Variants in UBE2H observed in about 807,000 individuals in gnomAD.
The protein encoded by UBE2H is ubiquitin-conjugating enzyme E2 H.
A neutral mutation model predicts 29.0 loss-of-function variants in UBE2H; 3 were observed. The ratio of observed to expected loss-of-function variants is 0.10; its 90% CI spans 0.05 to 0.27. The LOEUF is 0.27. UBE2H is among the 10% of genes least tolerant of loss of function. The pLI is 1.00. For synonymous variants in UBE2H, 69 were observed against 82.9 expected, an observed-to-expected ratio of 0.83 and a Z score of 0.91; for missense variants, 68 against 228.2, an observed-to-expected ratio of 0.30 and a Z score of 4.52.
At chr7:129,842,010 A>G (rs2116273554) in intron 5 of UBE2H, among the ~76,000 whole-genome samples, 1 of 152,382 alleles carries the variant, frequency 6.6e-6, no homozygotes, top group East Asian at 1.9e-4. Context: ...GAGAAAGGCC[A>G]TAAAATGGTA....
chr7:129,934,463 C>T (rs1007797453), intron 1 of UBE2H, among the ~76,000 whole-genome samples: 28 of 151,284 alleles, frequency 1.9e-4, no homozygotes, highest in African/African-American at 6.5e-4. Context: ...TATGGTGAAA[C>T]CCTGTCTCTA....
chr7:129,876,010 C>G (rs139404157), intron 3 of UBE2H, among the ~76,000 whole-genome samples: 103 of 152,274 alleles, frequency 6.8e-4, no homozygotes, highest in African/African-American at 2.3e-3. Context: ...GTCTTCCTTA[C>G]GCTCTCTCTT....
intron 1 of UBE2H, among the ~76,000 whole-genome samples, chr7:129,886,066 ATTAC>A (rs1299523089): frequency 1.3e-5 from 2 of 152,202 alleles, no homozygotes; most frequent in African/African-American, 4.8e-5. Flanking sequence ...AAGATTCCTC[ATTAC>A]TTTCTCTGTT....
chr7:129,861,274 C>T (rs1805796472), intron 3 of UBE2H, among the ~76,000 whole-genome samples: 1 of 151,176 alleles, frequency 6.6e-6, no homozygotes, highest in African/African-American at 2.4e-5. Context: ...TAAAAAGGGA[C>T]AATGTGCTTC....
intron 1 of UBE2H, among the ~76,000 whole-genome samples, chr7:129,942,212 CAAAAAAAAAAAAA>C (rs966117564): frequency 1.4e-4 from 5 of 36,750 alleles, no homozygotes; most frequent in Admixed American, 2.9e-4. Context: ...GACTCGGTCT[CAAAAAAAAAAAAA>C]AAAAAAAAAA....
At chr7:129,884,522 G>A (rs1335097011) in intron 1 of UBE2H, among the ~76,000 whole-genome samples, 1 of 151,584 alleles carries the variant, frequency 6.6e-6, no homozygotes, top group Admixed American at 6.6e-5. Context: ...ATGTTTCCTG[G>A]AATATTTGAA....
intron 3 of UBE2H, among the ~76,000 whole-genome samples, chr7:129,871,539 A>AC (rs940932585): frequency 1.8e-4 from 27 of 152,044 alleles, no homozygotes; most frequent in African/African-American, 5.8e-4. Flanking sequence ...ACATGGTGAA[A>AC]CCCCATCTCT....
chr7:129,926,895 C>T (rs902650920), intron 1 of UBE2H, among the ~76,000 whole-genome samples: 2 of 152,184 alleles, frequency 1.3e-5, no homozygotes, highest in African/African-American at 4.8e-5. Flanking sequence ...CTAGTACATA[C>T]TAGTACATAT....
Position 129,927,466 on chromosome 7 carries a change from G to A in UBE2H, c.53+25037C>T, listed in dbSNP as rs367891941. On this transcript the variant is annotated intron_variant, in intron 1 of 6. Coordinates refer to ENST00000355621, the MANE Select transcript of UBE2H (RefSeq NM_003344.4). ...TGAGGCAGAGAATTGCTTGAACCCT[G>A]GAGGCAGAGGTTGCAGTGAGCCGAG... Among the ~76,000 whole-genome samples, 8 of 152,286 alleles carry A rather than the reference G, an allele frequency of 5.3e-5. No homozygotes were observed. In the East Asian group the frequency reaches 7.7e-4, roughly 15 times the overall value.
intron 3 of UBE2H, 148 bp from the exon 4 acceptor site, chr7:129,859,089 A>C: frequency 1.6e-6 from 1 of 635,000 alleles, no homozygotes; most frequent in Non-Finnish European, 2.7e-6. Flanking sequence ...ACTGATAAAC[A>C]TTATATTCTC....
intron 1 of UBE2H, among the ~76,000 whole-genome samples, chr7:129,941,611 G>T (rs1409345513): frequency 6.6e-6 from 1 of 151,946 alleles, no homozygotes; most frequent in Non-Finnish European, 1.5e-5. Context: ...TTGAGACAGG[G>T]TCTCACTCTG....
At chr7:129,867,713 AAAAAG>A (rs1805935969) in intron 3 of UBE2H, among the ~76,000 whole-genome samples, 11 of 88,734 alleles carry the variant, frequency 1.2e-4, no homozygotes, top group East Asian at 8.1e-4. Context: ...AAAAAAAAAA[AAAAAG>A]AAAACCAAAA....
chr7:129,904,103 C>T (rs1240685600), intron 1 of UBE2H, among the ~76,000 whole-genome samples: 1 of 152,194 alleles, frequency 6.6e-6, no homozygotes, highest in East Asian at 1.9e-4. Flanking sequence ...ATGCCTGACA[C>T]GGTCTCAGTC....
chr7:129,934,505 G>A (rs931327239), intron 1 of UBE2H, among the ~76,000 whole-genome samples: 10 of 150,500 alleles, frequency 6.6e-5, no homozygotes, highest in African/African-American at 2.4e-4. Flanking sequence ...GGGCATGGTC[G>A]TGGGCACCTG....
Position 129,831,386 on chromosome 7 carries a change from G to A in UBE2H, c.*3551C>T, listed in dbSNP as rs1805223918. 2.0e-5 allele frequency: 3 copies of A among 152,202 alleles called. No homozygotes were observed. Among genetic ancestry groups the A allele is most frequent in the Admixed American group, 6.5e-5 (1 of 15,284 alleles). The allele number at this position is 152,202 out of a possible 1,614,324, so 9.4% of individuals were successfully genotyped here. On this transcript the variant is annotated 3_prime_UTR_variant, in exon 7 of 7. Coordinates refer to ENST00000355621, the MANE Select transcript of UBE2H (RefSeq NM_003344.4). Reference sequence around the variant, plus strand: ...TCAAACACTAGTTCCCAGAGACTTGGTGTCCAGAAACTTGACCCACAGAGG... The same window carrying A: ...TCAAACACTAGTTCCCAGAGACTTGATGTCCAGAAACTTGACCCACAGAGG...
chr7:129,886,657 G>C (rs1288237752), intron 1 of UBE2H, among the ~76,000 whole-genome samples: 1 of 151,026 alleles, frequency 6.6e-6, no homozygotes, highest in Non-Finnish European at 1.5e-5. Flanking sequence ...AGCAAGTCGT[G>C]TGGATTTCTG....
At chr7:129,835,208 G>T in intron 6 of UBE2H, 147 bp from the exon 7 acceptor site, 1 of 1,201,094 alleles carries the variant, frequency 8.3e-7, no homozygotes, top group Non-Finnish European at 1.2e-6. Flanking sequence ...GATCACTACA[G>T]CTAAGGAGAA....
intron 1 of UBE2H, among the ~76,000 whole-genome samples, chr7:129,916,057 C>T (rs558801384): frequency 2.0e-5 from 3 of 152,262 alleles, no homozygotes; most frequent in South Asian, 4.1e-4. Context: ...TCTTAGAAAG[C>T]TCTCTCAGAT....
intron 3 of UBE2H, among the ~76,000 whole-genome samples, chr7:129,860,559 AAT>A (rs1484600263): frequency 1.3e-5 from 2 of 152,186 alleles, no homozygotes; most frequent in Non-Finnish European, 2.9e-5. Flanking sequence ...TATTTGTTGC[AAT>A]ATTATTTATA....
Sources: gnomAD v4.1 joint callset for allele counts (sites outside exome capture counted in the v4.1 genomes callset) on GRCh38, gnomAD v4.1.1 for gene constraint, MANE v1.5 for transcripts, NCBI Gene and HGNC (gene_info 2026-07-23, HGNC 2026-07-21) for gene names.